Variants in NXN observed in about 807,000 individuals in gnomAD.
NXN encodes the protein nucleoredoxin.
Under a neutral mutation model 48.6 loss-of-function variants are expected in NXN, and 16 were observed. The ratio of observed to expected loss-of-function variants is 0.33; its 90% confidence interval spans 0.22 to 0.50. The LOEUF (loss-of-function observed/expected upper bound fraction) is 0.50, where lower values mean the gene tolerates loss of function less well. Among genes scored for constraint, NXN ranks in the 20% least tolerant of loss-of-function variants. NXN has a pLI of 0.98. For synonymous variants in NXN, 281 were observed against 269.6 expected (o/e 1.04, Z -0.41); for missense variants, 492 against 605.5 (o/e 0.81, Z 1.97).
chr17:804,036 G>A (rs1911348227), intron 6 of NXN: 1 of 554,332 alleles, frequency 1.8e-6, no homozygotes, highest in Non-Finnish European at 3.2e-6. Flanking sequence ...GGCTCCCCAG[G>A]AGGAACCTGC....
At chr17:893,180 C>T (rs1299994407) in intron 1 of NXN, among the ~76,000 whole-genome samples, 1 of 152,260 alleles carries the variant, frequency 6.6e-6, no homozygotes, top group East Asian at 1.9e-4. Flanking sequence ...GCAATGCTCT[C>T]GTTACTTCCA....
chr17:874,062 G>A (rs866177012), intron 1 of NXN, among the ~76,000 whole-genome samples: 5 of 151,210 alleles, frequency 3.3e-5, no homozygotes, highest in African/African-American at 7.3e-5. Context: ...CCTGGTGGAT[G>A]GTCATTGAAT....
At chr17:889,365 G>C (rs1360751527) in intron 1 of NXN, among the ~76,000 whole-genome samples, 1 of 152,222 alleles carries the variant, frequency 6.6e-6, no homozygotes, top group African/African-American at 2.4e-5. Flanking sequence ...CTGCATCGGA[G>C]GCAAAAAGAC....
intron 1 of NXN, among the ~76,000 whole-genome samples, chr17:843,014 A>AGAAAGAGAGAAAGAG (rs1914442115): frequency 4.8e-5 from 4 of 83,932 alleles, no homozygotes; most frequent in Non-Finnish European, 1.1e-4. Flanking sequence ...GAGAGAAAGA[A>AGAAAGAGAGAAAGAG]AGAAAGAAAG....
At chr17:897,125 G>A (rs1344274204) in intron 1 of NXN, 3 of 930,990 alleles carry the variant, frequency 3.2e-6, no homozygotes, top group East Asian at 1.1e-4. Context: ...TTTCCCATGG[G>A]AGAAAGAAAA....
chr17:951,350 GAA>G (rs34601121), intron 1 of NXN, among the ~76,000 whole-genome samples: 2 of 130,060 alleles, frequency 1.5e-5, no homozygotes, highest in Non-Finnish European at 1.6e-5. Context: ...ACTCCATCTC[GAA>G]AAAAAAAAAA....
intron 1 of NXN, among the ~76,000 whole-genome samples, chr17:977,674 A>G (rs1453187575): frequency 2.0e-5 from 3 of 152,256 alleles, no homozygotes; most frequent in African/African-American, 7.2e-5. Flanking sequence ...GGATAAGGAC[A>G]TTATTTTAAG....
At chr17:924,070 GTTT>G (rs535263185) in intron 1 of NXN, among the ~76,000 whole-genome samples, 1 of 142,760 alleles carries the variant, frequency 7.0e-6, no homozygotes, top group Non-Finnish European at 1.5e-5. Flanking sequence ...TTCTCAAAAA[GTTT>G]TTTTTTTTTT....
intron 1 of NXN, among the ~76,000 whole-genome samples, chr17:887,192 C>T (rs1302536108): frequency 6.6e-6 from 1 of 152,092 alleles, no homozygotes; most frequent in South Asian, 2.1e-4. Flanking sequence ...GCTGGGATTA[C>T]AGGCGTGAGC....
chr17:944,544 CTGTT>C (rs1311888553), intron 1 of NXN, among the ~76,000 whole-genome samples: 1 of 152,218 alleles, frequency 6.6e-6, no homozygotes, highest in Non-Finnish European at 1.5e-5. Context: ...AAGGTAGATT[CTGTT>C]TGTTTATTTG....
At chr17:899,053 G>T (rs1016048702) in intron 1 of NXN, among the ~76,000 whole-genome samples, 2 of 150,422 alleles carry the variant, frequency 1.3e-5, no homozygotes, top group South Asian at 2.1e-4. Context: ...TGCCTCCCGG[G>T]TTCAAGTGAT....
At chr17:842,634 C>T (rs560996479) in intron 1 of NXN, 7 of 925,082 alleles carry the variant, frequency 7.6e-6, no homozygotes, top group East Asian at 1.2e-4. Flanking sequence ...ACTAAACTTC[C>T]GTTCAGAAAG....
intron 1 of NXN, among the ~76,000 whole-genome samples, chr17:934,319 A>G (rs987242665): frequency 2.4e-4 from 36 of 151,862 alleles, no homozygotes; most frequent in South Asian, 1.2e-3. Context: ...GGTGGCGGGC[A>G]CCTGTAGTCC....
intron 1 of NXN, among the ~76,000 whole-genome samples, chr17:955,811 A>G (rs1397083083): frequency 2.0e-5 from 3 of 151,948 alleles, no homozygotes; most frequent in Non-Finnish European, 2.9e-5. Context: ...CTGAGGCAGG[A>G]GAATGGCGTG....
At chr17:843,056 G>GCAAGCAAGCAAGCAAGC (rs1555613147) in intron 1 of NXN, among the ~76,000 whole-genome samples, 1 of 107,218 alleles carries the variant, frequency 9.3e-6, no homozygotes, top group African/African-American at 3.9e-5. Context: ...AAGAAAGAAA[G>GCAAGCAAGCAAGCAAGC]AAGGAAGAAA....
At position 920,381 on chromosome 17, in the gene NXN, G is replaced by A. The variant is rs1393078803; in HGVS notation, c.360+58938C>T. ...TCTCCTCCCAGCCCCGAGCGCCTGG[G>A]GATACCTAGGCCCTCCTGTCATGCC... On this transcript the variant is annotated intron_variant, in intron 1 of 7. Transcript: ENST00000336868. The surrounding 1 kb of genome is among the most constrained non-coding windows in gnomAD (Gnocchi z 4.6). 6.6e-6 allele frequency among the ~76,000 whole-genome samples: 1 copy of A among 150,898 alleles called. No homozygotes were observed. Among genetic ancestry groups the A allele is most frequent in the Non-Finnish European group, 1.5e-5 (1 of 67,902 alleles).
intron 5 of NXN, among the ~76,000 whole-genome samples, chr17:811,959 GCT>G (rs1359670939): frequency 2.5e-5 from 3 of 118,958 alleles, no homozygotes; most frequent in Middle Eastern, 7.7e-3. Flanking sequence ...ACGGAGTCTC[GCT>G]CTGTCGCCCA....
At chr17:806,635 A>G (rs1438176517) in intron 5 of NXN, among the ~76,000 whole-genome samples, 2 of 152,046 alleles carry the variant, frequency 1.3e-5, no homozygotes, top group Non-Finnish European at 2.9e-5. Context: ...ATTTTATGTG[A>G]AAGTCAGAGC....
At position 967,624 on chromosome 17, in the gene NXN, G is replaced by A. The variant is rs150224354; in HGVS notation, c.360+11695C>T. On this transcript the variant is annotated intron_variant, in intron 1 of 7. Coordinates refer to ENST00000336868, the MANE Select transcript of NXN (RefSeq NM_022463.5). ...AACAAATAAATTGCAAGGAAAAGCA[G>A]GGAAGGGAAACTATAGGTTAAAAGA... Among the ~76,000 whole-genome samples the A allele has an allele frequency of 6.8e-4, 103 of 152,320 alleles. 1 individual carries two copies. In the East Asian group the frequency reaches 0.019, roughly 29 times the overall value.
Sources: gnomAD v4.1 joint callset for allele counts (sites outside exome capture counted in the v4.1 genomes callset) on GRCh38, gnomAD v4.1.1 for gene constraint, Gnocchi (gnomAD v3.1) non-coding constraint, MANE v1.5 for transcripts, NCBI Gene and HGNC (gene_info 2026-07-23, HGNC 2026-07-21) for gene names.